The following KCNQ1OT1 variants were observed in gnomAD, a reference collection of about 807,000 sequenced individuals.
KCNQ1OT1 encodes the protein KCNQ1 opposite strand/antisense transcript 1, also known as KCNQ1 antisense RNA 2 (non-protein coding).
exon 1 of KCNQ1OT1, chr11:2,697,745 T>C (rs975899897): frequency 7.5e-6 from 3 of 398,490 alleles, no homozygotes; most frequent in Admixed American, 4.4e-5. Context: ...TGTTGTTTAA[T>C]ACATATTATT....
exon 1 of KCNQ1OT1, chr11:2,675,661 C>G (rs1445522626): frequency 1.8e-5 from 7 of 398,554 alleles, no homozygotes; most frequent in Non-Finnish European, 3.1e-5. Context: ...AGGAGCCCGC[C>G]CAGGGCCTGC....
At position 2,652,233 on chromosome 11, in the gene KCNQ1OT1, C is replaced by T. The variant is rs1849768670; in HGVS notation, n.47762G>A. The T allele has an allele frequency of 2.5e-6, 1 of 398,538 alleles. No homozygotes were observed. The allele number at this position is 398,538 out of a possible 1,614,324, so 24.7% of individuals were successfully genotyped here. On this transcript the variant is annotated non_coding_transcript_exon_variant, in exon 1 of 1. Coordinates refer to ENST00000597346, the Ensembl canonical transcript of KCNQ1OT1. The surrounding 1 kb of genome is among the most constrained non-coding windows in gnomAD (Gnocchi z 5.9). ...TGGAGCCGGATGCTGAGAATGAGGC[C>T]TGCAACTCATTTCCCCATTAAACAT...
At chr11:2,656,016 G>A (rs1046617955) in exon 1 of KCNQ1OT1, 4 of 398,454 alleles carry the variant, frequency 1.0e-5, no homozygotes, top group African/African-American at 8.2e-5. Context: ...AAAACACCAG[G>A]ACAGAACCTT....
chr11:2,640,178 A>G (rs975012275), exon 1 of KCNQ1OT1: 2 of 384,688 alleles, frequency 5.2e-6, no homozygotes, highest in Non-Finnish European at 9.2e-6. Context: ...GCCTCGCCCT[A>G]CTTCGTCTCA....
chr11:2,637,660 G>C (rs569336352), exon 1 of KCNQ1OT1: 1 of 152,340 alleles, frequency 6.6e-6, no homozygotes, highest in Admixed American at 6.5e-5. Flanking sequence ...TGTATATTCT[G>C]TTGATTTGGG....
chr11:2,655,377 G>A (rs1434377031), exon 1 of KCNQ1OT1: 10 of 398,570 alleles, frequency 2.5e-5, no homozygotes, highest in Non-Finnish European at 4.4e-5. Flanking sequence ...TCTTAGGAAA[G>A]TGTGACTTCA....
chr11:2,665,832 G>A (rs1850057441), exon 1 of KCNQ1OT1: 2 of 398,686 alleles, frequency 5.0e-6, no homozygotes, highest in East Asian at 3.6e-5. Flanking sequence ...CCAGTGCTGA[G>A]GCACAGGGCT....
chr11:2,658,620 C>T lies in KCNQ1OT1; in HGVS notation n.41375G>A. On this transcript the variant is annotated non_coding_transcript_exon_variant, in exon 1 of 1. Transcript: ENST00000597346. This position sits in a 1 kb window ranked among gnomAD's most constrained non-coding sequence, Gnocchi z 4.9. ...AATGAATAGAAAACCTGGATCTAGG[C>T]ACGGGGTATGCTCGTGGCTACTAGG... 2.5e-6 allele frequency: 1 copy of T among 398,470 alleles called. No individual in the cohort carries two copies. Among genetic ancestry groups the T allele is most frequent in the East Asian group, 3.6e-5 (1 of 28,076 alleles). 24.7% of individuals were successfully genotyped at this position (398,470 alleles called of 1,614,324 possible).
chr11:2,696,884 TTTTG>T, exon 1 of KCNQ1OT1: 1 of 398,578 alleles, frequency 2.5e-6, no homozygotes, highest in Non-Finnish European at 4.4e-6. Context: ...TGTGGTTTGT[TTTTG>T]TTTTTTGTTT....
Position 2,675,904 on chromosome 11 carries a change from G to A in KCNQ1OT1, n.24091C>T, listed in dbSNP as rs375720871. On this transcript the variant is annotated non_coding_transcript_exon_variant, in exon 1 of 1. Transcript: ENST00000597346. ...CGTGCTTTATGTATTCAAGGGTTGTGCTACAAAAATCATACAACAGTCTTT... is the reference window on the plus strand; with the variant it reads ...CGTGCTTTATGTATTCAAGGGTTGTACTACAAAAATCATACAACAGTCTTT... 5.0e-5 allele frequency: 20 copies of A among 398,670 alleles called. No homozygotes were observed. In the South Asian group the frequency reaches 2.0e-3, roughly 41 times the overall value. 24.7% of individuals were successfully genotyped at this position (398,670 alleles called of 1,614,324 possible).
At chr11:2,625,481 T>G (rs373939858) in exon 1 of KCNQ1OT1, 8 of 398,606 alleles carry the variant, frequency 2.0e-5, no homozygotes, top group Middle Eastern at 6.3e-4. Flanking sequence ...GGTTTTGACT[T>G]GTATTTCCTA....
At chr11:2,665,051 C>G (rs1243100911) in exon 1 of KCNQ1OT1, 5 of 398,352 alleles carry the variant, frequency 1.3e-5, no homozygotes, top group Non-Finnish European at 2.2e-5. Context: ...CTGATGCAAG[C>G]TAGGGAGTCA....
chr11:2,666,249 G>A, exon 1 of KCNQ1OT1: 1 of 398,696 alleles, frequency 2.5e-6, no homozygotes, highest in African/African-American at 2.1e-5. Flanking sequence ...GGGCATGGGG[G>A]AGGACCAGGA....
exon 1 of KCNQ1OT1, chr11:2,692,281 C>T (rs1215768914): frequency 2.8e-5 from 11 of 398,876 alleles, no homozygotes; most frequent in Non-Finnish European, 4.9e-5. Flanking sequence ...ATCCATAGTT[C>T]TAGAGGTTCC....
Position 2,661,177 on chromosome 11 carries a change from G to C in KCNQ1OT1, n.38818C>G. 5.0e-6 allele frequency: 2 copies of C among 398,572 alleles called. No homozygotes were observed. Among genetic ancestry groups the C allele is most frequent in the Non-Finnish European group, 8.8e-6 (2 of 226,104 alleles). 24.7% of individuals were successfully genotyped at this position (398,572 alleles called of 1,614,324 possible). A position where few individuals can be genotyped will look rare whatever the true frequency, so the allele number is the denominator to read the frequency against. On this transcript the variant is annotated non_coding_transcript_exon_variant, in exon 1 of 1. Coordinates refer to ENST00000597346, the Ensembl canonical transcript of KCNQ1OT1. The surrounding 1 kb of genome is among the most constrained non-coding windows in gnomAD (Gnocchi z 5.9). ...TTGGCAGTTAACACTGATGACCTTG[G>C]GGGAGGAAAGCCATTGTGAATCTTT...
chr11:2,669,971 A>C lies in KCNQ1OT1; in HGVS notation n.30024T>G, dbSNP rs1027632900. The C allele has an allele frequency of 3.0e-5, 12 of 398,606 alleles. No homozygotes were observed. Among genetic ancestry groups the C allele is most frequent in the Non-Finnish European group, 5.3e-5 (12 of 226,168 alleles). 24.7% of individuals were successfully genotyped at this position (398,606 alleles called of 1,614,324 possible). ...GGGAAGGGAAGTCTAGAGGTCCCCA[A>C]GTCACAACCTCAAATCTCGGAATGG... On this transcript the variant is annotated non_coding_transcript_exon_variant, in exon 1 of 1. Transcript: ENST00000597346. The surrounding 1 kb of genome is among the most constrained non-coding windows in gnomAD (Gnocchi z 5.6).
At position 2,671,327 on chromosome 11, in the gene KCNQ1OT1, C is replaced by T; in HGVS notation, n.28668G>A. The T allele has an allele frequency of 5.0e-6, 2 of 398,610 alleles. No homozygotes were observed. Among genetic ancestry groups the T allele is most frequent in the Non-Finnish European group, 8.8e-6 (2 of 226,054 alleles). The allele number at this position is 398,610 out of a possible 1,614,324, so 24.7% of individuals were successfully genotyped here. A position where few individuals can be genotyped will look rare whatever the true frequency, so the allele number is the denominator to read the frequency against. ...CTTTTCCCATGTGTGGCTGCAGCCT[C>T]AGAGGCTCCCTCTGAAGATGACACT... On this transcript the variant is annotated non_coding_transcript_exon_variant, in exon 1 of 1. Transcript: ENST00000597346. This position sits in a 1 kb window ranked among gnomAD's most constrained non-coding sequence, Gnocchi z 4.7.
rs972385233 is a variant in KCNQ1OT1, at chr11:2,612,108, A to G, written n.87887T>C. On this transcript the variant is annotated non_coding_transcript_exon_variant, in exon 1 of 1. Coordinates refer to ENST00000597346, the Ensembl canonical transcript of KCNQ1OT1. The surrounding 1 kb of genome is among the most constrained non-coding windows in gnomAD (Gnocchi z 5.5). ...CATCCTGTTAGGACAGGGGTTCCCAACCCCAGGGCCATGGACTGGTACCAG... is the reference window on the plus strand; with the variant it reads ...CATCCTGTTAGGACAGGGGTTCCCAGCCCCAGGGCCATGGACTGGTACCAG... 2.5e-6 allele frequency: 1 copy of G among 398,460 alleles called. No homozygotes were observed. The highest frequency in any genetic ancestry group is 2.1e-5 in the African/African-American group (1 of 48,610). 24.7% of individuals were successfully genotyped at this position (398,460 alleles called of 1,614,324 possible).
In KCNQ1OT1 at chr11:2,627,658, TTGTGTGTGTGTATATA is replaced by T. The variant is rs1849282892; in HGVS notation, n.72321_72336del. The T allele has an allele frequency of 7.5e-6, 3 of 398,484 alleles. No individual in the cohort carries two copies. Among genetic ancestry groups the T allele is most frequent in the East Asian group, 7.1e-5 (2 of 28,072 alleles). 24.7% of individuals were successfully genotyped at this position (398,484 alleles called of 1,614,324 possible). On this transcript the variant is annotated non_coding_transcript_exon_variant, in exon 1 of 1. Coordinates refer to ENST00000597346, the Ensembl canonical transcript of KCNQ1OT1. This position sits in a 1 kb window ranked among gnomAD's most constrained non-coding sequence, Gnocchi z 4.9. ...TGCTTTTTAAAGGATGAATATTTCA[TTGTGTGTGTGTATATA>T]TGTGTGTGTGTGTGTCTGTATGTAT...
Sources: allele counts gnomAD v4.1 joint callset, GRCh38; gene constraint gnomAD v4.1.1; non-coding constraint Gnocchi (gnomAD v3.1); transcripts MANE v1.5; gene names NCBI Gene and HGNC (gene_info 2026-07-23, HGNC 2026-07-21).